DHDDS: variants seen among roughly 807,000 people sequenced by gnomAD.
DHDDS encodes dehydrodolichyl diphosphate synthase subunit.
A neutral mutation model predicts 46.2 loss-of-function variants in DHDDS; 16 were observed. The observed-to-expected ratio is 0.35, with a 90% CI of 0.23 to 0.53. The LOEUF is 0.53. DHDDS is among the 20% of genes least tolerant of loss of function. The pLI, the probability that DHDDS is intolerant of heterozygous loss-of-function variation, is 0.94. For synonymous variants in DHDDS, 151 were observed against 163.1 expected, an observed-to-expected ratio of 0.93 and a Z score of 0.56; for missense variants, 340 against 423.7, an observed-to-expected ratio of 0.80 and a Z score of 1.73.
chr1:26,436,169 G>A (rs1013165425), intron 2 of DHDDS, among the ~76,000 whole-genome samples: 20 of 151,748 alleles, frequency 1.3e-4, no homozygotes, highest in African/African-American at 4.4e-4. Flanking sequence ...AGGCCAAATC[G>A]AGTAGATCTC....
Position 26,461,703 on chromosome 1 carries a change from G to C in DHDDS, c.765+1559G>C, listed in dbSNP as rs144223258. 5.4e-4 allele frequency among the ~76,000 whole-genome samples: 82 copies of C among 152,298 alleles called. 4 individuals carry two copies. The East Asian group carries it at 0.015, about 28-fold the overall frequency. On this transcript the variant is annotated intron_variant, in intron 8 of 8. Coordinates refer to ENST00000236342, the MANE Select transcript of DHDDS (RefSeq NM_205861.3). ...CCCGGCCACACATAGAATACTTTAA[G>C]GGGGTTCACATAACTGCTGAAATCT...
At chr1:26,439,153 A>G (rs1277017557) in intron 3 of DHDDS, among the ~76,000 whole-genome samples, 1 of 151,648 alleles carries the variant, frequency 6.6e-6, no homozygotes, top group Non-Finnish European at 1.5e-5. Context: ...CTGGTCTCGA[A>G]CTCCTGACCT....
rs1280728029 is a variant in DHDDS at position 26,457,869 on chromosome 1, T to A, written c.621T>A (p.Ser207=). 1 of 1,614,048 alleles carries A rather than the reference T, an allele frequency of 6.2e-7. No individual in the cohort carries two copies. Among genetic ancestry groups the A allele is most frequent in the Non-Finnish European group, 8.5e-7 (1 of 1,179,996 alleles). The change falls in exon 7 of 9, where the codon TCT becomes TCA. Residue 207 remains serine, a synonymous_variant. Coordinates refer to ENST00000236342, the MANE Select transcript of DHDDS (RefSeq NM_205861.3). The part of the protein sequence containing the change: ...SPHPDILIRT[S]GEVRLSDFLL... Reference sequence around the variant, plus strand: ...ATCCTGACATCTTGATACGGACTTCTGGAGAAGTGCGGCTGAGTGACTTCT... The same window carrying A: ...ATCCTGACATCTTGATACGGACTTCAGGAGAAGTGCGGCTGAGTGACTTCT...
chr1:26,455,054 A>G (rs540843300), intron 6 of DHDDS: 5 of 1,068,744 alleles, frequency 4.7e-6, no homozygotes, highest in South Asian at 3.7e-5. Flanking sequence ...CAGGTACTTC[A>G]TGGCTTTTCG....
intron 3 of DHDDS, 28 bp from the exon 4 acceptor site, chr1:26,442,703 C>T (rs758396804): frequency 3.1e-6 from 5 of 1,613,858 alleles, no homozygotes; most frequent in Non-Finnish European, 3.4e-6. Flanking sequence ...TTCCTTGTAT[C>T]CTAGCTCCTT....
At chr1:26,450,509 C>CCTTTACT (rs1407432590) in intron 6 of DHDDS, among the ~76,000 whole-genome samples, 1 of 152,008 alleles carries the variant, frequency 6.6e-6, no homozygotes, top group African/African-American at 2.4e-5. Context: ...GGAACTCTAC[C>CCTTTACT]CTTTACTGGC....
At chr1:26,456,510 A>G (rs2075371676) in intron 6 of DHDDS, among the ~76,000 whole-genome samples, 1 of 152,132 alleles carries the variant, frequency 6.6e-6, no homozygotes, top group Non-Finnish European at 1.5e-5. Context: ...CTCCTGCTTC[A>G]GCCTCCCAAG....
In DHDDS at chr1:26,446,312, T is replaced by G. The variant is rs747118618; in HGVS notation, c.324-4T>G. The G allele has an allele frequency of 3.7e-6, 6 of 1,613,528 alleles. No individual in the cohort carries two copies. The African/African-American group carries it at 5.3e-5, about 14-fold the overall frequency. On this transcript the variant is annotated splice_polypyrimidine_tract_variant and splice_region_variant and intron_variant, in intron 4 of 8. Coordinates refer to ENST00000236342, the MANE Select transcript of DHDDS (RefSeq NM_205861.3). ...TCCCAATGCTGCCTCTTTTCCCTGA[T>G]CAGGGAGAAACTGCAGAAGCATGGG... is the stretch of plus-strand genomic sequence containing the variant.
Position 26,468,887 on chromosome 1 carries a change from T to G in DHDDS, c.766-8T>G. On this transcript the variant is annotated splice_polypyrimidine_tract_variant and splice_region_variant and intron_variant, in intron 8 of 8. Coordinates refer to ENST00000236342, the MANE Select transcript of DHDDS (RefSeq NM_205861.3). ...CTCCCCACCCCAATCCCCACTTTTC[T>G]CTAGCAGAAGGCCCGAGACATGTAT... The G allele has an allele frequency of 6.2e-7, 1 of 1,604,524 alleles. No homozygotes were observed. Among genetic ancestry groups the G allele is most frequent in the Non-Finnish European group, 8.5e-7 (1 of 1,174,616 alleles).
chr1:26,461,511 G>A (rs1403826275), intron 8 of DHDDS, among the ~76,000 whole-genome samples: 1 of 150,560 alleles, frequency 6.6e-6, no homozygotes. Context: ...TCACCCTCCC[G>A]AGTAGCTGGG....
At position 26,469,326 on chromosome 1, in the gene DHDDS, G is replaced by T; in HGVS notation, c.*195G>T. On this transcript the variant is annotated 3_prime_UTR_variant, in exon 9 of 9. Transcript: ENST00000236342. ...CTGGGACAGGCTCCTGAGGAGGATT[G>T]AGGGTGAAAGTCTCCCACGAGTACA... The T allele has an allele frequency of 1.0e-6, 1 of 999,808 alleles. No individual in the cohort carries two copies. Among genetic ancestry groups the T allele is most frequent in the Non-Finnish European group, 1.5e-6 (1 of 678,186 alleles). 61.9% of individuals were successfully genotyped at this position (999,808 alleles called of 1,614,324 possible).
chr1:26,457,901 G>T lies in DHDDS; in HGVS notation c.653G>T (p.Trp218Leu). The T allele has an allele frequency of 6.2e-7, 1 of 1,612,612 alleles. No homozygotes were observed. Among genetic ancestry groups the T allele is most frequent in the Non-Finnish European group, 8.5e-7 (1 of 1,178,798 alleles). ...GEVRLSDFLL[W>L]QTSHSCLVFQ... ...GTGCGGCTGAGTGACTTCTTGCTATGGCAGGTAGGTCATTTCCAAGTACTA... is the reference window on the plus strand; with the variant it reads ...GTGCGGCTGAGTGACTTCTTGCTATTGCAGGTAGGTCATTTCCAAGTACTA... The change falls in exon 7 of 9, where the codon TGG becomes TTG. Residue 218 changes from tryptophan to leucine, a missense_variant. Physicochemically the swap from Trp to Leu is moderately conservative, Grantham distance 61 (BLOSUM62 -2). Coordinates refer to ENST00000236342, the MANE Select transcript of DHDDS (RefSeq NM_205861.3).
chr1:26,458,858 A>G (rs1187205564), intron 7 of DHDDS, among the ~76,000 whole-genome samples: 1 of 152,116 alleles, frequency 6.6e-6, no homozygotes, highest in Non-Finnish European at 1.5e-5. Flanking sequence ...TTAAGAGACT[A>G]CAGAGTCAGT....
In DHDDS at chr1:26,468,966, G is replaced by A. The variant is rs772459112; in HGVS notation, c.837G>A (p.Glu279=). 4 of 1,614,134 alleles carry A rather than the reference G, an allele frequency of 2.5e-6. No homozygotes were observed. In the East Asian group the frequency reaches 8.9e-5, roughly 36 times the overall value. ...AGAGGGACCAGGCTACAGTGACAGA[G>A]CAGCTGCTGCGAGAGGGGCTCCAAG... is the stretch of plus-strand genomic sequence containing the variant. ...QLERDQATVT[E]QLLREGLQAS... The change falls in exon 9 of 9, where the codon GAG becomes GAA. Residue 279 remains glutamate, a synonymous_variant. Transcript: ENST00000236342.
At chr1:26,434,714 G>A (rs1394523419) in intron 2 of DHDDS, among the ~76,000 whole-genome samples, 2 of 151,568 alleles carry the variant, frequency 1.3e-5, no homozygotes, top group East Asian at 1.9e-4. Flanking sequence ...GTGCAGTGGT[G>A]CAGTCTTGGC....
intron 8 of DHDDS, among the ~76,000 whole-genome samples, chr1:26,460,960 C>G (rs1488138569): frequency 6.6e-6 from 1 of 152,062 alleles, no homozygotes; most frequent in East Asian, 1.9e-4. Flanking sequence ...TGCAACCTCC[C>G]CCTCCTGGGT....
At chr1:26,440,493 C>T (rs74061164) in intron 3 of DHDDS, among the ~76,000 whole-genome samples, 2,963 of 152,276 alleles carry the variant, frequency 0.019, 93 homozygotes, top group African/African-American at 0.067. Flanking sequence ...ATCTCTATCT[C>T]AGTAGATTAT....
intron 2 of DHDDS, among the ~76,000 whole-genome samples, chr1:26,436,411 T>G (rs1570329802): frequency 6.9e-6 from 1 of 145,524 alleles, no homozygotes; most frequent in East Asian, 2.0e-4. Flanking sequence ...TTTTGTTTGT[T>G]TGTTTGTTTG....
intron 8 of DHDDS, chr1:26,462,949 G>A (rs915268214): frequency 3.3e-5 from 5 of 152,182 alleles, no homozygotes; most frequent in Non-Finnish European, 5.9e-5. Context: ...ACAGAGTGAT[G>A]TGCTAGAAAG....
Sources: gnomAD v4.1 joint callset for allele counts (sites outside exome capture counted in the v4.1 genomes callset) on GRCh38, gnomAD v4.1.1 for gene constraint, MANE v1.5 for transcripts, NCBI Gene and HGNC (gene_info 2026-07-23, HGNC 2026-07-21) for gene names.